The following SDK2 variants were observed in gnomAD, a reference collection of about 807,000 sequenced individuals.
SDK2 encodes sidekick cell adhesion molecule 2, also known as protein sidekick-2.
SDK2 carries 105 observed loss-of-function variants against 253.9 expected under a neutral mutation model. That is an observed-to-expected ratio of 0.41 (90% confidence interval 0.35 to 0.49). The LOEUF (loss-of-function observed/expected upper bound fraction) is 0.49, where lower values mean the gene tolerates loss of function less well. Among genes scored for constraint, SDK2 ranks in the 20% least tolerant of loss-of-function variants. SDK2 has a pLI of 0.06. For synonymous variants in SDK2, 1,249 were observed against 1,234.9 expected (o/e 1.01, Z -0.24); for missense variants, 2,608 against 3,003.0 (o/e 0.87, Z 3.07).
rs1483522814 is a variant in SDK2 at position 73,383,622 on chromosome 17, G to C, written c.4705+254C>G. On this transcript the variant is annotated intron_variant, in intron 33 of 44. Coordinates refer to ENST00000392650, the MANE Select transcript of SDK2 (RefSeq NM_001144952.2). The surrounding 1 kb of genome is among the most constrained non-coding windows in gnomAD (Gnocchi z 4.3). Reference sequence around the variant, plus strand: ...GCTCGCCTGGCTCCTCCTCCAGCCTGCAACTCCAAGAGGGCAGGGACCCTG... The same window carrying C: ...GCTCGCCTGGCTCCTCCTCCAGCCTCCAACTCCAAGAGGGCAGGGACCCTG... Among the ~76,000 whole-genome samples, 1 of 152,194 alleles carries C rather than the reference G, an allele frequency of 6.6e-6. No homozygotes were observed. The highest frequency in any genetic ancestry group is 2.4e-5 in the African/African-American group (1 of 41,442).
At chr17:73,469,530 C>A (rs1034873975) in intron 3 of SDK2, among the ~76,000 whole-genome samples, 6 of 152,230 alleles carry the variant, frequency 3.9e-5, no homozygotes, top group African/African-American at 7.2e-5. Context: ...AATGCCAGGA[C>A]CTTTGCCCAT....
At chr17:73,554,142 AG>A (rs553864538) in intron 1 of SDK2, among the ~76,000 whole-genome samples, 2 of 152,242 alleles carry the variant, frequency 1.3e-5, no homozygotes, top group South Asian at 4.1e-4. Flanking sequence ...TACTTCTTCC[AG>A]GAGGCCCCCT....
intron 36 of SDK2, among the ~76,000 whole-genome samples, chr17:73,376,919 C>G (rs2062786546): frequency 6.7e-6 from 1 of 150,254 alleles, no homozygotes; most frequent in Admixed American, 6.6e-5. Flanking sequence ...TGGATTCCAT[C>G]CTAAATCGGG....
At position 73,395,603 on chromosome 17, in the gene SDK2, A is replaced by G. The variant is rs2062964929; in HGVS notation, c.3355-211T>C. ...GGGCTCTTATCTTCCTGCAGGGAGG[A>G]CAGAGAAGCAGCATCCTTTCTTTAT... is the stretch of plus-strand genomic sequence containing the variant. On this transcript the variant is annotated intron_variant, in intron 24 of 44. Transcript: ENST00000392650. This position sits in a 1 kb window ranked among gnomAD's most constrained non-coding sequence, Gnocchi z 4.3. Among the ~76,000 whole-genome samples, 1 of 152,148 alleles carries G rather than the reference A, an allele frequency of 6.6e-6. No individual in the cohort carries two copies. The highest frequency in any genetic ancestry group is 2.1e-4 in the South Asian group (1 of 4,820).
At chr17:73,436,789 T>C (rs2063373390) in intron 8 of SDK2, among the ~76,000 whole-genome samples, 1 of 152,112 alleles carries the variant, frequency 6.6e-6, no homozygotes, top group South Asian at 2.1e-4. Context: ...ATGTGTCTTA[T>C]AATCAACAGC....
chr17:73,346,257 C>G (rs985618325), intron 44 of SDK2, among the ~76,000 whole-genome samples: 1 of 151,796 alleles, frequency 6.6e-6, no homozygotes, highest in Admixed American at 6.6e-5. Flanking sequence ...CTCTGTGTAT[C>G]TCCTTTTTAA....
rs759041349 is a variant in SDK2, at chr17:73,368,389, C to G, written c.5167+18G>C. 1.3e-6 allele frequency: 2 copies of G among 1,489,502 alleles called. No homozygotes were observed. Among genetic ancestry groups the G allele is most frequent in the Non-Finnish European group, 1.8e-6 (2 of 1,115,542 alleles). The allele number at this position is 1,489,502 out of a possible 1,614,324, so 92.3% of individuals were successfully genotyped here. A position where few individuals can be genotyped will look rare whatever the true frequency, so the allele number is the denominator to read the frequency against. On this transcript the variant is annotated intron_variant, in intron 37 of 44. Transcript: ENST00000392650. The stretch of plus-strand genomic sequence containing the variant: ...GTGGCCGACCTACCCCTCCCCTCCT[C>G]AGGGCCCCCTCTCCCACCTGCTTGC...
chr17:73,358,025 G>C lies in SDK2; in HGVS notation c.5593+54C>G, dbSNP rs779980931. 3 of 1,609,960 alleles carry C rather than the reference G, an allele frequency of 1.9e-6. No individual in the cohort carries two copies. The African/African-American group carries it at 4.0e-5, about 21-fold the overall frequency. On this transcript the variant is annotated intron_variant, in intron 40 of 44. Transcript: ENST00000392650. ...CAAGTGCCCCAAGTGGAGGGACCCAGGAAGAAGGGAGATAATGAGCTGTGG... is the reference window on the plus strand; with the variant it reads ...CAAGTGCCCCAAGTGGAGGGACCCACGAAGAAGGGAGATAATGAGCTGTGG...
intron 12 of SDK2, among the ~76,000 whole-genome samples, chr17:73,429,714 C>T (rs149504284): frequency 6.6e-6 from 1 of 152,330 alleles, no homozygotes; most frequent in East Asian, 1.9e-4. Flanking sequence ...ATATTTATTT[C>T]TAAGGAAGCA....
intron 2 of SDK2, among the ~76,000 whole-genome samples, chr17:73,502,379 A>G (rs2063897486): frequency 6.6e-6 from 1 of 152,184 alleles, no homozygotes; most frequent in African/African-American, 2.4e-5. Context: ...GAAGCTGGAC[A>G]GTCTCCTATG....
intron 1 of SDK2, among the ~76,000 whole-genome samples, chr17:73,604,283 G>A (rs574048815): frequency 2.6e-5 from 4 of 152,328 alleles, no homozygotes; most frequent in Admixed American, 1.3e-4. Context: ...TGGAAAAGGC[G>A]ATTCAGAGAG....
chr17:73,477,106 G>A (rs781074153), intron 2 of SDK2, among the ~76,000 whole-genome samples: 1 of 152,198 alleles, frequency 6.6e-6, no homozygotes, highest in Non-Finnish European at 1.5e-5. Context: ...CCTCCCAGGC[G>A]GGTGGAAGAG....
chr17:73,416,322 T>C (rs2063182272), intron 16 of SDK2, among the ~76,000 whole-genome samples: 1 of 146,260 alleles, frequency 6.8e-6, no homozygotes, highest in Admixed American at 6.9e-5. Context: ...TCAGCCTCCC[T>C]GAGTAGCTGG....
intron 1 of SDK2, among the ~76,000 whole-genome samples, chr17:73,599,192 C>G (rs541212232): frequency 1.3e-5 from 2 of 152,114 alleles, no homozygotes; most frequent in South Asian, 4.1e-4. Flanking sequence ...TTAGTACATT[C>G]GTACAGAAGG....
At chr17:73,432,023 GT>G (rs371496809) in intron 10 of SDK2, among the ~76,000 whole-genome samples, 87 of 152,302 alleles carry the variant, frequency 5.7e-4, no homozygotes, top group African/African-American at 2.0e-3. Flanking sequence ...TGGCACCCGG[GT>G]TGGGGGAGCT....
In SDK2 at chr17:73,435,613, C is replaced by T; in HGVS notation, c.1032G>A (p.Lys344=). 1.9e-6 allele frequency: 3 copies of T among 1,574,018 alleles called. No homozygotes were observed. Among genetic ancestry groups the T allele is most frequent in the Non-Finnish European group, 2.6e-6 (3 of 1,159,438 alleles). ...TCTCCACCTCCACCACGGCTGCGTC[C>T]TTGTACCAGGTGATGGAGGGCGGCG... is the stretch of plus-strand genomic sequence containing the variant. ...GVPPPSITWY[K]DAAVVEVEKL... Residue 344 remains lysine (K), a synonymous_variant, in exon 9 of 45, where the codon AAG becomes AAA. Transcript: ENST00000392650. The surrounding 1 kb of genome is among the most constrained non-coding windows in gnomAD (Gnocchi z 5.7).
chr17:73,597,738 C>T (rs150935077), intron 1 of SDK2, among the ~76,000 whole-genome samples: 2,510 of 151,966 alleles, frequency 0.017, 81 homozygotes, highest in African/African-American at 0.059. Flanking sequence ...CTCCGCCTCC[C>T]GGGTTCACGC....
chr17:73,576,560 C>T (rs1339400831), intron 1 of SDK2, among the ~76,000 whole-genome samples: 1 of 152,200 alleles, frequency 6.6e-6, no homozygotes, highest in Non-Finnish European at 1.5e-5. Context: ...GTGAGACATC[C>T]AAGGCACAGC....
At chr17:73,351,306 C>T (rs945577655) in intron 41 of SDK2, among the ~76,000 whole-genome samples, 4 of 152,148 alleles carry the variant, frequency 2.6e-5, no homozygotes, top group Non-Finnish European at 2.9e-5. Context: ...CACGGGGTTT[C>T]ACCATGTTGG....
Sources: gnomAD v4.1 joint callset for allele counts (sites outside exome capture counted in the v4.1 genomes callset) on GRCh38, gnomAD v4.1.1 for gene constraint, Gnocchi (gnomAD v3.1) non-coding constraint, MANE v1.5 for transcripts, NCBI Gene and HGNC (gene_info 2026-07-23, HGNC 2026-07-21) for gene names.